The following CTIF variants were observed in gnomAD, a reference collection of about 807,000 sequenced individuals.
CTIF encodes cap binding complex dependent translation initiation factor, also known as CBP80/20-dependent translation initiation factor.
Under a neutral mutation model 66.0 loss-of-function variants are expected in CTIF, and 21 were observed. That is an observed-to-expected ratio of 0.32 (90% confidence interval 0.23 to 0.46). CTIF has a LOEUF of 0.46. Ranked by LOEUF, CTIF falls within the 20% of genes least tolerant of loss-of-function variation. The pLI is 1.00. For missense variants in CTIF, 739 were observed against 812.7 expected (o/e 0.91, Z 1.10); for synonymous variants, 345 against 326.4 (o/e 1.06, Z -0.62).
At chr18:48,782,886 C>T (rs571916734) in intron 9 of CTIF, among the ~76,000 whole-genome samples, 6 of 152,340 alleles carry the variant, frequency 3.9e-5, no homozygotes, top group Admixed American at 2.0e-4. Flanking sequence ...CACCCACCCC[C>T]ACTCCACTGG....
chr18:48,724,399 G>A (rs1256580495), intron 7 of CTIF, among the ~76,000 whole-genome samples: 5 of 151,936 alleles, frequency 3.3e-5, no homozygotes, highest in Non-Finnish European at 7.4e-5. Context: ...GTCTTCACTC[G>A]CTGTGCTCTC....
chr18:48,730,394 G>A (rs1297714953), intron 7 of CTIF, among the ~76,000 whole-genome samples: 1 of 141,112 alleles, frequency 7.1e-6, no homozygotes, highest in Non-Finnish European at 1.6e-5. Context: ...CTCCTGCTGT[G>A]TGAGGGGCTT....
At chr18:48,611,625 T>G (rs1351984316) in intron 1 of CTIF, among the ~76,000 whole-genome samples, 2 of 152,242 alleles carry the variant, frequency 1.3e-5, no homozygotes, top group Non-Finnish European at 2.9e-5. Context: ...ATGCTGAGTC[T>G]CAGGCCCCAA....
chr18:48,746,725 T>C (rs2092599722), intron 7 of CTIF, among the ~76,000 whole-genome samples: 1 of 151,620 alleles, frequency 6.6e-6, no homozygotes, highest in African/African-American at 2.4e-5. Context: ...GGGTCAAAAA[T>C]GCCAAGTCCA....
chr18:48,827,496 G>A (rs1401349451), intron 10 of CTIF, among the ~76,000 whole-genome samples: 1 of 152,184 alleles, frequency 6.6e-6, no homozygotes, highest in African/African-American at 2.4e-5. Context: ...CAACTCCCCA[G>A]CTCCTGATTG....
rs151267375 is a variant in CTIF at position 48,649,480 on chromosome 18, T to C, written c.252+12795T>C. ...CGAACTGGGCAGAGCCAACCATAGCTCAGCAAGGCCTGTTGCCTCTGTAGA... is the reference window on the plus strand; with the variant it reads ...CGAACTGGGCAGAGCCAACCATAGCCCAGCAAGGCCTGTTGCCTCTGTAGA... On this transcript the variant is annotated intron_variant, in intron 3 of 11. Transcript: ENST00000256413. 2.0e-5 allele frequency among the ~76,000 whole-genome samples: 3 copies of C among 152,302 alleles called. No individual in the cohort carries two copies. In the South Asian group the frequency reaches 6.2e-4, roughly 32 times the overall value.
intron 2 of CTIF, among the ~76,000 whole-genome samples, chr18:48,627,785 GAGGA>G (rs2090629766): frequency 1.5e-5 from 2 of 132,134 alleles, no homozygotes; most frequent in South Asian, 3.0e-4. Context: ...GGAGGGTGGG[GAGGA>G]AGGAAGGGAG....
rs2069486147 is a variant in CTIF at position 48,862,195 on chromosome 18, C to G, written c.*2636C>G. On this transcript the variant is annotated 3_prime_UTR_variant, in exon 12 of 12. Coordinates refer to ENST00000256413, the MANE Select transcript of CTIF (RefSeq NM_014772.3). The stretch of plus-strand genomic sequence containing the variant: ...CCCCCTCCCCAAGTCCATCCCCTCT[C>G]TGTGGCATGAGGAAGGCCGCGTCCG... 1 of 152,266 alleles carries G rather than the reference C, an allele frequency of 6.6e-6. No individual in the cohort carries two copies. The highest frequency in any genetic ancestry group is 2.4e-5 in the African/African-American group (1 of 41,450). 9.4% of individuals were successfully genotyped at this position (152,266 alleles called of 1,614,324 possible).
intron 9 of CTIF, among the ~76,000 whole-genome samples, chr18:48,801,220 G>T (rs934862344): frequency 6.6e-6 from 1 of 152,186 alleles, no homozygotes; most frequent in African/African-American, 2.4e-5. Context: ...GCAAACAGCT[G>T]CCATCCACGT....
chr18:48,831,663 C>T (rs769883255), intron 10 of CTIF, among the ~76,000 whole-genome samples: 18 of 152,204 alleles, frequency 1.2e-4, no homozygotes, highest in Non-Finnish European at 2.4e-4. Context: ...AACAATATAA[C>T]GTGAGCCACG....
chr18:48,851,745 T>C (rs1181225033), intron 10 of CTIF, among the ~76,000 whole-genome samples: 2 of 152,176 alleles, frequency 1.3e-5, no homozygotes, highest in East Asian at 1.9e-4. Context: ...TGCCCTCCCT[T>C]CCTTCGCATC....
chr18:48,591,755 CTTTTT>C (rs1568055654), intron 1 of CTIF, among the ~76,000 whole-genome samples: 1 of 152,018 alleles, frequency 6.6e-6, no homozygotes, highest in Admixed American at 6.6e-5. Flanking sequence ...CTTTTCTTTT[CTTTTT>C]TCTTAGAGAC....
Position 48,861,900 on chromosome 18 carries a change from C to T in CTIF, c.*2341C>T, listed in dbSNP as rs754725180. 2.0e-5 allele frequency: 3 copies of T among 152,090 alleles called. No homozygotes were observed. Among genetic ancestry groups the T allele is most frequent in the Admixed American group, 1.3e-4 (2 of 15,266 alleles). 9.4% of individuals were successfully genotyped at this position (152,090 alleles called of 1,614,324 possible). A position where few individuals can be genotyped will look rare whatever the true frequency, so the allele number is the denominator to read the frequency against. ...TATAAATATATTTTTAATTACATGT[C>T]GTGTCACGGTGGCTCCAGACATACT... On this transcript the variant is annotated 3_prime_UTR_variant, in exon 12 of 12. Transcript: ENST00000256413.
At chr18:48,653,011 C>T (rs567046274) in intron 3 of CTIF, among the ~76,000 whole-genome samples, 1 of 152,314 alleles carries the variant, frequency 6.6e-6, no homozygotes, top group South Asian at 2.1e-4. Flanking sequence ...GACAAACCCA[C>T]AGCCAATATC....
At chr18:48,806,686 G>C (rs2068154691) in intron 9 of CTIF, among the ~76,000 whole-genome samples, 1 of 152,192 alleles carries the variant, frequency 6.6e-6, no homozygotes, top group Non-Finnish European at 1.5e-5. Flanking sequence ...GGTGGTGTGG[G>C]GGTGTTTTTT....
At chr18:48,635,902 G>A (rs745872496) in intron 2 of CTIF, among the ~76,000 whole-genome samples, 9 of 152,134 alleles carry the variant, frequency 5.9e-5, no homozygotes, top group Non-Finnish European at 1.0e-4. Flanking sequence ...ATGGATTTCT[G>A]TGGCTCCCAG....
intron 1 of CTIF, among the ~76,000 whole-genome samples, chr18:48,598,907 C>T (rs1012842368): frequency 6.6e-6 from 1 of 152,192 alleles, no homozygotes; most frequent in African/African-American, 2.4e-5. Context: ...AGGGGACAAT[C>T]CCAGCAAGAC....
At chr18:48,719,889 C>G (rs972864631) in intron 7 of CTIF, among the ~76,000 whole-genome samples, 3 of 152,214 alleles carry the variant, frequency 2.0e-5, no homozygotes, top group Admixed American at 1.3e-4. Flanking sequence ...AAGCATCACT[C>G]AGGCATGAGT....
intron 1 of CTIF, among the ~76,000 whole-genome samples, chr18:48,589,543 G>A (rs1034861017): frequency 3.9e-4 from 59 of 152,214 alleles, no homozygotes; most frequent in Middle Eastern, 3.2e-3. Flanking sequence ...GGGACTAGGG[G>A]TCCAACATGC....
Sources: gnomAD v4.1 joint callset for allele counts (sites outside exome capture counted in the v4.1 genomes callset) on GRCh38, gnomAD v4.1.1 for gene constraint, MANE v1.5 for transcripts, NCBI Gene and HGNC (gene_info 2026-07-23, HGNC 2026-07-21) for gene names.